SHOX: variants seen among roughly 807,000 people sequenced by gnomAD.
SHOX encodes the protein SHOX homeobox.
SHOX carries 12 observed loss-of-function variants against 29.6 expected under a neutral mutation model. The observed-to-expected ratio is 0.41, with a 90% CI of 0.26 to 0.66. The LOEUF is 0.66. Ranked by LOEUF, SHOX falls within the 30% of genes least tolerant of loss-of-function variation. The pLI is 0.35. For missense variants in SHOX, 499 were observed against 437.7 expected (o/e 1.14, Z -1.25); for synonymous variants, 214 against 200.6 (o/e 1.07, Z -0.57).
intron 2 of SHOX, among the ~76,000 whole-genome samples, chrX:637,967 G>C (rs2052785873): frequency 6.6e-6 from 1 of 152,216 alleles, no homozygotes; most frequent in Non-Finnish European, 1.5e-5. Context: ...TGAGACCACG[G>C]TGAGGGGCAG....
chrX:658,619 C>G (rs1443203331), intron 5 of SHOX, among the ~76,000 whole-genome samples: 1 of 151,266 alleles, frequency 6.6e-6, no homozygotes, highest in African/African-American at 2.4e-5. Context: ...TACAGGCGCC[C>G]GCCACCGCGC....
chrX:644,445 C>G lies in SHOX; in HGVS notation c.688C>G (p.Pro230Ala), dbSNP rs1294980290. ...GGCCCACGCGCACCCGCACCTGCAC[C>G]CGCACCTGGCGGCGCACGCGCCCTA... ...GVAHAHPHLH[P>A]HLAAHAPYLM... The change falls in exon 5 of 5, where the codon CCG (proline) becomes GCG (alanine). Residue 230 changes from proline to alanine, a missense_variant. Pro to Ala is a conservative substitution (Grantham distance 27). Coordinates refer to ENST00000686671, the MANE Select transcript of SHOX (RefSeq NM_000451.4). 28 of 1,522,578 alleles carry G rather than the reference C, an allele frequency of 1.8e-5. No homozygotes were observed. The highest frequency in any genetic ancestry group is 2.3e-5 in the Non-Finnish European group (26 of 1,142,642). 94.3% of individuals were successfully genotyped at this position (1,522,578 alleles called of 1,614,324 possible).
chrX:631,363 G>A (rs1163329587), intron 1 of SHOX, 189 bp downstream of exon 1: 1 of 311,618 alleles, frequency 3.2e-6, no homozygotes, highest in East Asian at 1.7e-4. Flanking sequence ...CGGAGACGCG[G>A]GTGGTGGGTA....
intron 2 of SHOX, among the ~76,000 whole-genome samples, chrX:639,052 G>C (rs1206082747): frequency 6.6e-6 from 1 of 152,196 alleles, no homozygotes; most frequent in African/African-American, 2.4e-5. Flanking sequence ...CTCTCCAGCT[G>C]GTCTGTCTGT....
chrX:637,966 G>C (rs2052785808), intron 2 of SHOX, among the ~76,000 whole-genome samples: 1 of 152,174 alleles, frequency 6.6e-6, no homozygotes, highest in South Asian at 2.1e-4. Context: ...ATGAGACCAC[G>C]GTGAGGGGCA....
chrX:636,721 CATAAAATATATATATAAACAT>C (rs2052763396), intron 2 of SHOX, among the ~76,000 whole-genome samples: 2 of 7,056 alleles, frequency 2.8e-4, no homozygotes, highest in Non-Finnish European at 3.9e-4. Context: ...CATATATATA[CATAAAATATATATATAAACAT>C]ATATATACAT....
chrX:624,904 C>CCTTTCTTTCTTTCTT lies in SHOX; in HGVS notation c.-433+302_-433+303insCTTTCTTTCTTTCTT, dbSNP rs2052485624. ...TTTCTTTCTTTCTTTCTTTCTTTCT[C>CCTTTCTTTCTTTCTT]TCTTCCTTTCTTTCTTTCTTTCTTT... is the stretch of plus-strand genomic sequence containing the variant. On this transcript the variant is annotated intron_variant, in intron 1 of 5. Coordinates refer to the SHOX transcript ENST00000334060. 5.4e-4 allele frequency among the ~76,000 whole-genome samples: 51 copies of CCTTTCTTTCTTTCTT among 94,928 alleles called. 1 individual carries two copies. Among genetic ancestry groups the CCTTTCTTTCTTTCTT allele is most frequent in the Non-Finnish European group, 7.9e-4 (37 of 46,908 alleles). 62.3% of individuals were successfully genotyped at this position (94,928 alleles called of 152,430 possible).
exon 1 of SHOX, chrX:624,522 G>A (rs2052465240): frequency 6.6e-6 from 1 of 152,192 alleles, no homozygotes; most frequent in African/African-American, 2.4e-5. Flanking sequence ...CACAGGGTTT[G>A]CGGGAGGTGG....
Position 649,905 on chromosome X carries a change from A to C in SHOX, c.*5269A>C. Reference sequence around the variant, plus strand: ...GGTGAAATCTGTTTCTGACATATCCACTTTTCTCTCTCTTTTCTCTCTCTC... The same window carrying C: ...GGTGAAATCTGTTTCTGACATATCCCCTTTTCTCTCTCTTTTCTCTCTCTC... On this transcript the variant is annotated 3_prime_UTR_variant, in exon 5 of 5. Coordinates refer to ENST00000686671, the MANE Select transcript of SHOX (RefSeq NM_000451.4). 1 of 455,966 alleles carries C rather than the reference A, an allele frequency of 2.2e-6. No individual in the cohort carries two copies. The highest frequency in any genetic ancestry group is 1.5e-5 in the South Asian group (1 of 64,554). The allele number at this position is 455,966 out of a possible 1,614,324, so 28.2% of individuals were successfully genotyped here.
chrX:658,862 T>A (rs2053186739), exon 6 of SHOX: 1 of 363,542 alleles, frequency 2.8e-6, no homozygotes, highest in East Asian at 9.3e-5. Flanking sequence ...CCTCCCGAGT[T>A]CAAGCGATTC....
upstream of SHOX, chrX:630,675 G>A: frequency 3.2e-6 from 2 of 616,080 alleles, no homozygotes; most frequent in Non-Finnish European, 5.7e-6. Flanking sequence ...GAGACACAGC[G>A]TCTCTGCGTG....
At chrX:652,502 C>T (rs916506361), downstream of SHOX, among the ~76,000 whole-genome samples, 20 of 151,436 alleles carry the variant, frequency 1.3e-4, no homozygotes, top group Non-Finnish European at 2.7e-4. Context: ...GTTCCCACCG[C>T]GGTTACAGGG....
At position 656,716 on chromosome X, in the gene SHOX, G is replaced by A. The variant is rs371486626; in HGVS notation, c.634-2069G>A. 1.2e-3 allele frequency among the ~76,000 whole-genome samples: 187 copies of A among 151,930 alleles called. 6 individuals are homozygous for A. The highest frequency in any genetic ancestry group is 3.8e-3 in the African/African-American group (156 of 41,456). On this transcript the variant is annotated intron_variant, in intron 5 of 5. Coordinates refer to the SHOX transcript ENST00000334060. ...AAATTAGCCGGGCGTGGTGGCGGGCGCCTGTAGTCCCAGCTACTCAGGAGG... is the reference window on the plus strand; with the variant it reads ...AAATTAGCCGGGCGTGGTGGCGGGCACCTGTAGTCCCAGCTACTCAGGAGG...
chrX:634,916 C>G lies in SHOX; in HGVS notation c.486+90C>G, dbSNP rs932959561. Reference sequence around the variant, plus strand: ...ACGCGTACAGCCACCTGCGCCCGGGCCGCCGCCGTCCCCTTCCCGGAGCGC... The same window carrying G: ...ACGCGTACAGCCACCTGCGCCCGGGGCGCCGCCGTCCCCTTCCCGGAGCGC... On this transcript the variant is annotated intron_variant, in intron 2 of 4. Transcript: ENST00000686671. 3 of 1,353,332 alleles carry G rather than the reference C, an allele frequency of 2.2e-6. No homozygotes were observed. The South Asian group carries it at 4.2e-5, about 19-fold the overall frequency. The allele number at this position is 1,353,332 out of a possible 1,614,324, so 83.8% of individuals were successfully genotyped here. A position where few individuals can be genotyped will look rare whatever the true frequency, so the allele number is the denominator to read the frequency against.
In SHOX at chrX:630,883, G is replaced by A; in HGVS notation, c.-15G>A. Reference sequence around the variant, plus strand: ...ATCCACCAGCCCCGGCTGCTCGCCAGCCCCGGCCCCAGCCATGGAAGAGCT... The same window carrying A: ...ATCCACCAGCCCCGGCTGCTCGCCAACCCCGGCCCCAGCCATGGAAGAGCT... On this transcript the variant is annotated 5_prime_UTR_variant, in exon 1 of 5. Transcript: ENST00000686671. 6.2e-7 allele frequency: 1 copy of A among 1,612,580 alleles called. No homozygotes were observed.
intron 1 of SHOX, 153 bp from the exon 2 acceptor site, chrX:634,465 C>A: frequency 4.0e-6 from 1 of 248,020 alleles, no homozygotes; most frequent in Non-Finnish European, 6.4e-6. Context: ...GAGTATCCTC[C>A]TCGGCTTTTG....
At position 640,897 on chromosome X, in the gene SHOX, G is replaced by T. The variant is rs762401202; in HGVS notation, c.544+19G>T. ...CATAAAGGTGGGTGTCGGGACTGGG[G>T]GGACCTGAAGCTGGGGGATCCTGCT... On this transcript the variant is annotated intron_variant, in intron 3 of 4. Coordinates refer to ENST00000686671, the MANE Select transcript of SHOX (RefSeq NM_000451.4). 3 of 1,613,886 alleles carry T rather than the reference G, an allele frequency of 1.9e-6. No homozygotes were observed. Among genetic ancestry groups the T allele is most frequent in the Non-Finnish European group, 2.5e-6 (3 of 1,179,838 alleles).
chrX:644,655 G>T lies in SHOX; in HGVS notation c.*19G>T. ...GCTCTGACCCGCCGCGCAGCCCCCC[G>T]CGCGCCCGGACTCCCGGGCTCCGCG... On this transcript the variant is annotated 3_prime_UTR_variant, in exon 5 of 5. Coordinates refer to ENST00000686671, the MANE Select transcript of SHOX (RefSeq NM_000451.4). The T allele has an allele frequency of 2.1e-6, 3 of 1,440,122 alleles. No individual in the cohort carries two copies. The highest frequency in any genetic ancestry group is 2.7e-6 in the Non-Finnish European group (3 of 1,106,062). 89.2% of individuals were successfully genotyped at this position (1,440,122 alleles called of 1,614,324 possible).
chrX:630,840 G>A lies in SHOX; in HGVS notation c.-58G>A. On this transcript the variant is annotated 5_prime_UTR_variant, in exon 1 of 5. Transcript: ENST00000686671. The stretch of plus-strand genomic sequence containing the variant: ...CCCGCGCGCACGGGCCGTCCTCTCC[G>A]CGCGGGGAGACGCGCGCATCCACCA... 1.9e-6 allele frequency: 3 copies of A among 1,605,956 alleles called. No individual in the cohort carries two copies. Among genetic ancestry groups the A allele is most frequent in the Non-Finnish European group, 2.6e-6 (3 of 1,175,638 alleles).
Sources: allele counts gnomAD v4.1 joint callset (sites outside exome capture counted in the v4.1 genomes callset), GRCh38; gene constraint gnomAD v4.1.1; transcripts MANE v1.5; gene names NCBI Gene and HGNC (gene_info 2026-07-23, HGNC 2026-07-21).